ATG7: variants seen among roughly 807,000 people sequenced by gnomAD.
ATG7 encodes the protein autophagy related 7.
ATG7 carries 70 observed loss-of-function variants against 82.4 expected under a neutral mutation model. The ratio of observed to expected loss-of-function variants is 0.85; its 90% CI spans 0.70 to 1.04. The LOEUF (loss-of-function observed/expected upper bound fraction) is 1.04, where lower values mean the gene tolerates loss of function less well. Ranked by LOEUF, ATG7 falls within the 50% of genes least tolerant of loss-of-function variation. The pLI is 0.00. For missense variants in ATG7, 792 were observed against 864.3 expected (o/e 0.92, Z 1.05); for synonymous variants, 287 against 313.0 (o/e 0.92, Z 0.88).
At chr3:11,353,725 A>G (rs888010952) in intron 14 of ATG7, among the ~76,000 whole-genome samples, 3 of 152,142 alleles carry the variant, frequency 2.0e-5, no homozygotes, top group Non-Finnish European at 4.4e-5. Flanking sequence ...TTGCCATGTG[A>G]TGCATCTGAT....
At position 11,303,319 on chromosome 3, in the gene ATG7, A is replaced by G. The variant is rs147681183; in HGVS notation, c.216-3624A>G. Reference sequence around the variant, plus strand: ...ATGTGTGCTTTCTGTTTCTGTTGACAAGGAGGAAAATAGATTTTGATTGAC... The same window carrying G: ...ATGTGTGCTTTCTGTTTCTGTTGACGAGGAGGAAAATAGATTTTGATTGAC... On this transcript the variant is annotated intron_variant, in intron 5 of 20. Coordinates refer to ENST00000693202, the MANE Select transcript of ATG7 (RefSeq NM_001349232.2). 1.6e-3 allele frequency among the ~76,000 whole-genome samples: 240 copies of G among 152,354 alleles called. 2 individuals are homozygous for G. In the Middle Eastern group the frequency reaches 0.027, roughly 17 times the overall value.
chr3:11,530,510 A>G (rs978084338), intron 20 of ATG7, among the ~76,000 whole-genome samples: 2 of 152,194 alleles, frequency 1.3e-5, no homozygotes, highest in African/African-American at 4.8e-5. Context: ...AAATGCAAAG[A>G]TAAATACAAG....
chr3:11,413,150 C>T (rs1433304247), intron 19 of ATG7, among the ~76,000 whole-genome samples: 1 of 152,046 alleles, frequency 6.6e-6, no homozygotes, highest in Non-Finnish European at 1.5e-5. Flanking sequence ...ATTTGGATGC[C>T]TTTTATTTAT....
At chr3:11,513,156 C>G (rs1219823062) in intron 20 of ATG7, among the ~76,000 whole-genome samples, 1 of 152,256 alleles carries the variant, frequency 6.6e-6, no homozygotes, top group Non-Finnish European at 1.5e-5. Flanking sequence ...CAAGTCCCCA[C>G]CAGACTCAGG....
chr3:11,292,287 T>C (rs1945112883), intron 3 of ATG7, among the ~76,000 whole-genome samples: 1 of 150,104 alleles, frequency 6.7e-6, no homozygotes, highest in Non-Finnish European at 1.5e-5. Context: ...AGAGTCTCGC[T>C]CTGTTGCCCA....
intron 6 of ATG7, among the ~76,000 whole-genome samples, chr3:11,307,357 A>G (rs1947920820): frequency 6.6e-6 from 1 of 152,244 alleles, no homozygotes; most frequent in African/African-American, 2.4e-5. Context: ...ATTTTGAAGC[A>G]GCCAGACCTC....
At chr3:11,485,363 T>C (rs1420224082) in intron 20 of ATG7, among the ~76,000 whole-genome samples, 3 of 152,354 alleles carry the variant, frequency 2.0e-5, no homozygotes, top group South Asian at 4.1e-4. Flanking sequence ...CTGTTCATAT[T>C]CTTCGCCCAC....
chr3:11,523,158 T>C lies in ATG7; in HGVS notation c.2080-31653T>C, dbSNP rs76351240. 3.3e-3 allele frequency among the ~76,000 whole-genome samples: 500 copies of C among 152,350 alleles called. 18 individuals are homozygous for C. The East Asian group carries it at 0.083, about 25-fold the overall frequency. On this transcript the variant is annotated intron_variant, in intron 20 of 20. Coordinates refer to ENST00000693202, the MANE Select transcript of ATG7 (RefSeq NM_001349232.2). ...CATCCCTGAGAACATCCCCAGGTTGTAAGGATTAGTCAGAAGTCATGATGA... is the reference window on the plus strand; with the variant it reads ...CATCCCTGAGAACATCCCCAGGTTGCAAGGATTAGTCAGAAGTCATGATGA...
chr3:11,307,049 G>A lies in ATG7; in HGVS notation c.322G>A (p.Ala108Thr). 6.2e-7 allele frequency: 1 copy of A among 1,613,142 alleles called. No homozygotes were observed. The highest frequency in any genetic ancestry group is 1.3e-5 in the African/African-American group (1 of 75,010). The change falls in exon 6 of 21, where the codon GCA (alanine) becomes ACA (threonine). Residue 108 changes from alanine to threonine, a missense_variant. Physicochemically the swap from Ala to Thr is moderately conservative, Grantham distance 58. Transcript: ENST00000693202. ...TADKKLLLEQ[A>T]ANEIWESIKS... is the part of the protein sequence containing the mutation. The stretch of plus-strand genomic sequence containing the variant: ...AGATAAGAAGCTCCTTTTGGAACAA[G>A]CAGCAAATGAGGTTAGCTGTGAAAA...
At chr3:11,503,713 G>A (rs933976734) in intron 20 of ATG7, among the ~76,000 whole-genome samples, 3 of 128,620 alleles carry the variant, frequency 2.3e-5, no homozygotes, top group Non-Finnish European at 4.6e-5. Context: ...CCAAGATCAC[G>A]CCATTGCACT....
the ATG7 span, among the ~76,000 whole-genome samples, chr3:11,571,467 T>C: frequency 6.6e-6 from 1 of 152,082 alleles, no homozygotes; most frequent in Non-Finnish European, 1.5e-5. Context: ...GTGGACTGCT[T>C]AGGCCCAGGA....
chr3:11,521,937 T>C (rs993043090), intron 20 of ATG7, among the ~76,000 whole-genome samples: 6 of 152,274 alleles, frequency 3.9e-5, no homozygotes, highest in Non-Finnish European at 2.9e-5. Flanking sequence ...ACAAAGTAGA[T>C]AAAGCCTACT....
intron 20 of ATG7, among the ~76,000 whole-genome samples, chr3:11,460,669 G>A (rs968597881): frequency 6.6e-6 from 1 of 152,192 alleles, no homozygotes; most frequent in Non-Finnish European, 1.5e-5. Context: ...ACAATAGGAA[G>A]ATTAATAAGT....
chr3:11,512,963 A>G (rs547312468), intron 20 of ATG7, among the ~76,000 whole-genome samples: 5 of 152,284 alleles, frequency 3.3e-5, no homozygotes, highest in African/African-American at 1.2e-4. Flanking sequence ...AGCTAGATAC[A>G]GAGTGTGGAC....
At chr3:11,511,866 A>G (rs2092081016) in intron 20 of ATG7, among the ~76,000 whole-genome samples, 2 of 152,150 alleles carry the variant, frequency 1.3e-5, no homozygotes, top group African/African-American at 2.4e-5. Context: ...GCCTGGGGCC[A>G]GCAGGGCTGG....
intron 20 of ATG7, among the ~76,000 whole-genome samples, chr3:11,512,360 G>C (rs1370675084): frequency 6.6e-6 from 1 of 152,222 alleles, no homozygotes; most frequent in East Asian, 1.9e-4. Context: ...CCAGAGCCTG[G>C]TGCTGCAGCT....
At chr3:11,438,983 G>A (rs1316764783) in intron 20 of ATG7, among the ~76,000 whole-genome samples, 1 of 151,902 alleles carries the variant, frequency 6.6e-6, no homozygotes, top group African/African-American at 2.4e-5. Context: ...TTGAATTTGG[G>A]GAGTTTCCAT....
intron 20 of ATG7, among the ~76,000 whole-genome samples, chr3:11,458,707 G>A (rs1009253063): frequency 4.6e-5 from 7 of 152,084 alleles, no homozygotes; most frequent in African/African-American, 7.3e-5. Flanking sequence ...GAAAATAAAC[G>A]CACAGGATAA....
At chr3:11,568,001 A>AG in the ATG7 span, among the ~76,000 whole-genome samples, 1 of 152,160 alleles carries the variant, frequency 6.6e-6, no homozygotes, top group African/African-American at 2.4e-5. This position sits in a 1 kb window ranked among gnomAD's most constrained non-coding sequence, Gnocchi z 5.9. Context: ...AACCAGCGCT[A>AG]GTTAAGTCCC....
Sources: allele counts gnomAD v4.1 joint callset (sites outside exome capture counted in the v4.1 genomes callset), GRCh38; gene constraint gnomAD v4.1.1; non-coding constraint Gnocchi (gnomAD v3.1); transcripts MANE v1.5; gene names NCBI Gene and HGNC (gene_info 2026-07-23, HGNC 2026-07-21).